SCN9A: variants seen among roughly 807,000 people sequenced by gnomAD.
SCN9A encodes the protein sodium channel protein type 9 subunit alpha.
In SCN9A, 131 loss-of-function variants were observed where a neutral mutation model predicts 187.0. That is an observed-to-expected ratio of 0.70 (90% CI 0.61 to 0.81). The LOEUF is 0.81. Among genes scored for constraint, SCN9A ranks in the 30% least tolerant of loss-of-function variants. The pLI is 0.00. For synonymous variants in SCN9A, 809 were observed against 808.6 expected (o/e 1.00, Z -0.01); for missense variants, 2,252 against 2,396.6 (o/e 0.94, Z 1.26).
chr2:166,206,453 G>A (rs1013167162), intron 24 of SCN9A, among the ~76,000 whole-genome samples: 1 of 152,146 alleles, frequency 6.6e-6, no homozygotes, highest in Non-Finnish European at 1.5e-5. Flanking sequence ...TCATAAGTGG[G>A]AGTTGAACAA....
rs1574693695 is a variant in SCN9A, at chr2:166,199,760, C to T, written c.4879G>A (p.Ala1627Thr). The T allele has an allele frequency of 1.2e-6, 2 of 1,614,062 alleles. No individual in the cohort carries two copies. Among genetic ancestry groups the T allele is most frequent in the Non-Finnish European group, 1.7e-6 (2 of 1,180,022 alleles). The change falls in exon 27 of 27, where the codon GCA becomes ACA. Residue 1627 changes from alanine (A) to threonine (T), a missense_variant. Physicochemically the swap from Ala to Thr is moderately conservative, Grantham distance 58. Around this residue, in one of 7 missense-constraint regions of SCN9A, gnomAD observed 84 missense variants for 134.2 expected, o/e 0.63. Coordinates refer to ENST00000642356, the MANE Select transcript of SCN9A (RefSeq NM_001365536.1). Reference protein sequence around the residue: ...IGRILRLVKGAKGIRTLLFAL... With the variant: ...IGRILRLVKGTKGIRTLLFAL... ...AAGAGCAGCGTGCGGATCCCCTTTG[C>T]TCCTTTGACTAGACGTAGGATTCGG...
intron 13 of SCN9A, 79 bp from the exon 14 acceptor site, chr2:166,280,674 T>C: frequency 1.3e-6 from 1 of 796,292 alleles, no homozygotes; most frequent in East Asian, 2.7e-5. Context: ...AGTCAGGCAT[T>C]CTAATATTGA....
chr2:166,238,363 G>T, intron 19 of SCN9A, 96 bp from the exon 20 acceptor site: 1 of 809,128 alleles, frequency 1.2e-6, no homozygotes, highest in South Asian at 2.0e-5. Context: ...TGCTAAGACT[G>T]CTGAAACATA....
chr2:166,322,002 G>A (rs1442022287), intron 1 of SCN9A, among the ~76,000 whole-genome samples: 4 of 151,724 alleles, frequency 2.6e-5, no homozygotes, highest in Admixed American at 6.6e-5. Context: ...AGTTACATTA[G>A]GTCTTTCCTA....
chr2:166,373,385 G>A (rs574458879), intron 1 of SCN9A, among the ~76,000 whole-genome samples: 2 of 150,286 alleles, frequency 1.3e-5, no homozygotes, highest in South Asian at 4.2e-4. Flanking sequence ...GCTTTGTATA[G>A]AGAATGAATT....
chr2:166,246,660 CA>C (rs796988438), intron 18 of SCN9A, among the ~76,000 whole-genome samples: 21 of 152,124 alleles, frequency 1.4e-4, no homozygotes, highest in African/African-American at 5.1e-4. Context: ...TTATCTTTCT[CA>C]GGGGCAAATT....
Position 166,199,764 on chromosome 2 carries a change from T to C in SCN9A, c.4875A>G (p.Lys1625=), listed in dbSNP as rs2106338116. ...GCAGCGTGCGGATCCCCTTTGCTCCTTTGACTAGACGTAGGATTCGGCCAA... is the reference window on the plus strand; with the variant it reads ...GCAGCGTGCGGATCCCCTTTGCTCCCTTGACTAGACGTAGGATTCGGCCAA... ...ARIGRILRLV[K]GAKGIRTLLF... Residue 1625 remains lysine, a synonymous_variant, in exon 27 of 27, where the codon AAA becomes AAG. Transcript: ENST00000642356. 1 of 1,614,024 alleles carries C rather than the reference T, an allele frequency of 6.2e-7. No homozygotes were observed. Among genetic ancestry groups the C allele is most frequent in the Non-Finnish European group, 8.5e-7 (1 of 1,180,014 alleles).
chr2:166,259,020 G>T (rs970488385), intron 17 of SCN9A, among the ~76,000 whole-genome samples: 10 of 151,658 alleles, frequency 6.6e-5, no homozygotes, highest in African/African-American at 1.9e-4. Flanking sequence ...GTTACATCAA[G>T]AAGTCATCAA....
chr2:166,329,042 G>A (rs1414427805), intron 1 of SCN9A, among the ~76,000 whole-genome samples: 2 of 151,938 alleles, frequency 1.3e-5, no homozygotes. Context: ...TACAAAAGTA[G>A]CCTTATTTTG....
intron 20 of SCN9A, among the ~76,000 whole-genome samples, chr2:166,236,720 G>T (rs961331927): frequency 1.3e-5 from 2 of 152,158 alleles, no homozygotes; most frequent in South Asian, 4.1e-4. Context: ...ACCGCGCCTG[G>T]CCAGAAGCCA....
chr2:166,233,288 T>G, intron 21 of SCN9A, 52 bp downstream of exon 21: 1 of 1,329,750 alleles, frequency 7.5e-7, no homozygotes, highest in Non-Finnish European at 1.0e-6. Context: ...TGTTTTTATA[T>G]TTTAAACCCC....
At chr2:166,344,026 A>T (rs1280528915) in intron 1 of SCN9A, among the ~76,000 whole-genome samples, 1 of 152,192 alleles carries the variant, frequency 6.6e-6, no homozygotes, top group Non-Finnish European at 1.5e-5. Context: ...AGGATCATGG[A>T]GAATTATCTA....
chr2:166,247,193 A>G (rs1185104693), intron 18 of SCN9A, among the ~76,000 whole-genome samples: 1 of 150,642 alleles, frequency 6.6e-6, no homozygotes, highest in African/African-American at 2.4e-5. Context: ...AAGGAAAGAA[A>G]AAAGAAACCA....
intron 24 of SCN9A, among the ~76,000 whole-genome samples, chr2:166,218,007 T>G (rs1694409632): frequency 6.6e-6 from 1 of 151,952 alleles, no homozygotes; most frequent in African/African-American, 2.4e-5. Flanking sequence ...TACCATTACT[T>G]TTGCTGCAAT....
In SCN9A at chr2:166,228,969, C is replaced by G; in HGVS notation, c.3928G>C (p.Val1310Leu). ...ALSRFEGMRV[V>L]VNALIGAIPS... ...ATTGCTCCTATGAGTGCATTCACAACGACCTAGTATTCAAAAGAAAGAAAA... is the reference window on the plus strand; with the variant it reads ...ATTGCTCCTATGAGTGCATTCACAAGGACCTAGTATTCAAAAGAAAGAAAA... The change falls in exon 22 of 27, where the codon GTT becomes CTT. Residue 1310 changes from valine to leucine, a missense_variant. By Grantham distance (32) the Val-to-Leu change is conservative (BLOSUM62 1). This residue lies in a region of SCN9A where 368 missense variants were observed against 408.6 expected (regional missense o/e 0.90). Transcript: ENST00000642356. 6.2e-7 allele frequency: 1 copy of G among 1,609,964 alleles called. No individual in the cohort carries two copies. Among genetic ancestry groups the G allele is most frequent in the Non-Finnish European group, 8.5e-7 (1 of 1,176,832 alleles).
At chr2:166,245,073 T>C (rs1005340673) in intron 18 of SCN9A, among the ~76,000 whole-genome samples, 2 of 152,200 alleles carry the variant, frequency 1.3e-5, no homozygotes, top group Non-Finnish European at 1.5e-5. Context: ...TTCTGACATA[T>C]AGCTTCTTCA....
intron 9 of SCN9A, among the ~76,000 whole-genome samples, chr2:166,292,011 G>A (rs1259367350): frequency 6.6e-6 from 1 of 152,068 alleles, no homozygotes; most frequent in Non-Finnish European, 1.5e-5. Context: ...ATAGGCATGG[G>A]CAAAGACTTC....
chr2:166,195,866 T>G lies in SCN9A; in HGVS notation c.*2806A>C, dbSNP rs1158104167. 1 of 152,148 alleles carries G rather than the reference T, an allele frequency of 6.6e-6. No individual in the cohort carries two copies. Among genetic ancestry groups the G allele is most frequent in the African/African-American group, 2.4e-5 (1 of 41,374 alleles). The allele number at this position is 152,148 out of a possible 1,614,324, so 9.4% of individuals were successfully genotyped here. A position where few individuals can be genotyped will look rare whatever the true frequency, so the allele number is the denominator to read the frequency against. ...GAGTTTGAGACTAGCCTGGGCAACA[T>G]AGCAAGACCCCTTATCTACAAAAAT... is the stretch of plus-strand genomic sequence containing the variant. On this transcript the variant is annotated 3_prime_UTR_variant, in exon 27 of 27. Coordinates refer to ENST00000642356, the MANE Select transcript of SCN9A (RefSeq NM_001365536.1).
intron 1 of SCN9A, among the ~76,000 whole-genome samples, chr2:166,318,938 C>A (rs1250086358): frequency 3.3e-5 from 5 of 151,942 alleles, no homozygotes; most frequent in Non-Finnish European, 7.4e-5. Flanking sequence ...ACATTAGTCT[C>A]AAGAGAGCAG....
Sources: allele counts gnomAD v4.1 joint callset (sites outside exome capture counted in the v4.1 genomes callset), GRCh38; gene constraint gnomAD v4.1.1; regional missense constraint gnomAD v4.1.1; transcripts MANE v1.5; gene names NCBI Gene and HGNC (gene_info 2026-07-23, HGNC 2026-07-21).